Variants in ASIC2 observed in about 807,000 individuals in gnomAD.
The protein encoded by ASIC2 is acid sensing ion channel subunit 2.
A neutral mutation model predicts 57.3 loss-of-function variants in ASIC2; 25 were observed. The observed-to-expected ratio is 0.44, with a 90% CI of 0.32 to 0.61. ASIC2 has a LOEUF of 0.61. ASIC2 is among the 20% of genes least tolerant of loss of function. ASIC2 has a pLI of 0.06. For missense variants in ASIC2, 641 were observed against 738.1 expected, an observed-to-expected ratio of 0.87 and a Z score of 1.52; for synonymous variants, 319 against 307.5, an observed-to-expected ratio of 1.04 and a Z score of -0.39.
intron 4 of ASIC2, among the ~76,000 whole-genome samples, chr17:33,026,311 A>C (rs1228809374): frequency 6.6e-6 from 1 of 152,218 alleles, no homozygotes. Flanking sequence ...GATTGAGACT[A>C]GGGAGGTGGT....
chr17:33,206,102 C>A (rs1907050450), intron 1 of ASIC2, among the ~76,000 whole-genome samples: 1 of 152,124 alleles, frequency 6.6e-6, no homozygotes, highest in Non-Finnish European at 1.5e-5. Context: ...CACAGGAGGC[C>A]ACCTGGAGAC....
rs576023436 is a variant in ASIC2 at position 33,551,181 on chromosome 17, G to A, written c.556-439114C>T. ...TAACATTTGGTCGGATGTCTTTTCG[G>A]TGCTTTTTCGATGAATATGTATGCT... is the stretch of plus-strand genomic sequence containing the variant. On this transcript the variant is annotated intron_variant, in intron 1 of 9. Transcript: ENST00000359872. 5.9e-5 allele frequency among the ~76,000 whole-genome samples: 9 copies of A among 152,292 alleles called. No homozygotes were observed. The South Asian group carries it at 1.5e-3, about 25-fold the overall frequency.
chr17:33,661,396 G>C (rs979916683), intron 1 of ASIC2, among the ~76,000 whole-genome samples: 8 of 152,174 alleles, frequency 5.3e-5, no homozygotes, highest in African/African-American at 1.9e-4. Flanking sequence ...CCTCGCTTGG[G>C]GCTGCCCCAT....
intron 1 of ASIC2, among the ~76,000 whole-genome samples, chr17:33,530,789 T>C (rs941751888): frequency 2.0e-5 from 3 of 152,206 alleles, no homozygotes; most frequent in Non-Finnish European, 4.4e-5. Context: ...GGAGACTGCC[T>C]CTCATAGCTT....
At chr17:33,354,984 G>T (rs565784461) in intron 1 of ASIC2, among the ~76,000 whole-genome samples, 1 of 152,254 alleles carries the variant, frequency 6.6e-6, no homozygotes, top group South Asian at 2.1e-4. Flanking sequence ...GCAGCCTGTG[G>T]GCAGGAGATG....
chr17:33,064,180 G>A (rs1382061176), intron 3 of ASIC2, among the ~76,000 whole-genome samples: 1 of 152,166 alleles, frequency 6.6e-6, no homozygotes, highest in Admixed American at 6.5e-5. Context: ...ATTCTCCATC[G>A]AGCTTTGTTC....
intron 1 of ASIC2, among the ~76,000 whole-genome samples, chr17:33,843,522 CATG>C (rs1164104394): frequency 6.6e-6 from 1 of 152,110 alleles, no homozygotes; most frequent in Non-Finnish European, 1.5e-5. Flanking sequence ...TTTTGATAAA[CATG>C]ATAAAACTTT....
chr17:33,675,966 C>G (rs1324228724), intron 1 of ASIC2, among the ~76,000 whole-genome samples: 1 of 152,264 alleles, frequency 6.6e-6, no homozygotes, highest in Non-Finnish European at 1.5e-5. Context: ...TCAAGCAAGA[C>G]TATAGATGTC....
At chr17:33,753,984 A>G (rs1003361242) in intron 1 of ASIC2, among the ~76,000 whole-genome samples, 1 of 152,192 alleles carries the variant, frequency 6.6e-6, no homozygotes, top group Admixed American at 6.5e-5. Flanking sequence ...GAGAGCGTAC[A>G]TAGGAACACT....
chr17:34,050,983 T>C (rs1908533723), intron 1 of ASIC2, among the ~76,000 whole-genome samples: 1 of 152,154 alleles, frequency 6.6e-6, no homozygotes, highest in Non-Finnish European at 1.5e-5. Flanking sequence ...CAGATAGGTG[T>C]TTATTTCCAT....
intron 1 of ASIC2, among the ~76,000 whole-genome samples, chr17:33,338,600 G>A (rs1039367528): frequency 6.6e-6 from 1 of 152,192 alleles, no homozygotes; most frequent in Non-Finnish European, 1.5e-5. Flanking sequence ...TTCTCAGCAG[G>A]AGGGAGAGCT....
In ASIC2 at chr17:33,098,711, T is replaced by C. The variant is rs187118386; in HGVS notation, c.860-9721A>G. On this transcript the variant is annotated intron_variant, in intron 2 of 9. Coordinates refer to ENST00000225823, the MANE Select transcript of ASIC2 (RefSeq NM_183377.2). Reference sequence around the variant, plus strand: ...GACGTCCTGCAGCAAAAACATGTTATACTTTGTTGATCCGAGTGTTACCCA... The same window carrying C: ...GACGTCCTGCAGCAAAAACATGTTACACTTTGTTGATCCGAGTGTTACCCA... Among the ~76,000 whole-genome samples, 334 of 152,322 alleles carry C rather than the reference T, an allele frequency of 2.2e-3. 1 individual carries two copies. Among genetic ancestry groups the C allele is most frequent in the African/African-American group, 7.5e-3 (313 of 41,572 alleles).
At chr17:34,103,792 C>G (rs187720019) in intron 1 of ASIC2, among the ~76,000 whole-genome samples, 159 of 152,232 alleles carry the variant, frequency 1.0e-3, no homozygotes, top group African/African-American at 3.7e-3. Context: ...TATGTATTCT[C>G]TGGTCTGCTG....
chr17:33,648,927 T>G (rs1326334308), intron 1 of ASIC2, among the ~76,000 whole-genome samples: 1 of 152,198 alleles, frequency 6.6e-6, no homozygotes, highest in African/African-American at 2.4e-5. Context: ...CTTAACTTGA[T>G]AGAGTGCATC....
chr17:33,017,518 G>A (rs1277199305), intron 8 of ASIC2, 87 bp downstream of exon 8: 49 of 1,127,148 alleles, frequency 4.3e-5, no homozygotes, highest in Middle Eastern at 4.1e-4. Context: ...GAGAGGCACC[G>A]CCTTCCCTCT....
At chr17:33,929,848 C>T (rs920744795) in intron 1 of ASIC2, among the ~76,000 whole-genome samples, 5 of 152,154 alleles carry the variant, frequency 3.3e-5, no homozygotes, top group East Asian at 1.9e-4. Context: ...AGAAAATATA[C>T]GATAAAAGGC....
chr17:33,923,434 A>G (rs1187574932), intron 1 of ASIC2, among the ~76,000 whole-genome samples: 1 of 152,244 alleles, frequency 6.6e-6, no homozygotes, highest in East Asian at 1.9e-4. Context: ...AGATGGAAAT[A>G]AAATGACTTC....
At chr17:33,127,538 AT>A (rs1238692653) in intron 1 of ASIC2, among the ~76,000 whole-genome samples, 5 of 152,204 alleles carry the variant, frequency 3.3e-5, no homozygotes, top group Non-Finnish European at 7.3e-5. Flanking sequence ...AATTAATGAT[AT>A]GAGTCTTTGC....
At chr17:33,700,985 A>G (rs1188091281) in intron 1 of ASIC2, among the ~76,000 whole-genome samples, 1 of 152,210 alleles carries the variant, frequency 6.6e-6, no homozygotes, top group Non-Finnish European at 1.5e-5. Context: ...TGTAAAATTA[A>G]TCACCACACA....
Sources: allele counts gnomAD v4.1 joint callset (sites outside exome capture counted in the v4.1 genomes callset), GRCh38; gene constraint gnomAD v4.1.1; transcripts MANE v1.5; gene names NCBI Gene and HGNC (gene_info 2026-07-23, HGNC 2026-07-21).